The following HDAC9 variants were observed in gnomAD, a reference collection of about 807,000 sequenced individuals.
HDAC9 encodes the protein histone deacetylase 9, also known as MEF-2 interacting transcription repressor (MITR) protein.
Under a neutral mutation model 139.4 loss-of-function variants are expected in HDAC9, and 41 were observed. The ratio of observed to expected loss-of-function variants is 0.29; its 90% confidence interval spans 0.23 to 0.38. The LOEUF (loss-of-function observed/expected upper bound fraction) is 0.38. Among genes scored for constraint, HDAC9 ranks in the 10% least tolerant of loss-of-function variants. The pLI is 1.00. For synonymous variants in HDAC9, 517 were observed against 476.2 expected (o/e 1.09, Z -1.12); for missense variants, 1,147 against 1,297.0 (o/e 0.88, Z 1.78).
intron 21 of HDAC9, among the ~76,000 whole-genome samples, chr7:18,836,334 T>TA (rs1334385379): frequency 6.6e-6 from 1 of 152,202 alleles, no homozygotes; most frequent in African/African-American, 2.4e-5. Flanking sequence ...AGTCCTTCAT[T>TA]ACCTATTTGA....
At chr7:18,647,591 C>T (rs1462781837) in intron 9 of HDAC9, among the ~76,000 whole-genome samples, 194 bp from the exon 10 acceptor site, 1 of 152,120 alleles carries the variant, frequency 6.6e-6, no homozygotes, top group Admixed American at 6.6e-5. Context: ...GTCTTCAGTG[C>T]TCCAACCCTA....
chr7:18,858,464 A>T lies in HDAC9; in HGVS notation c.2685-16014A>T, dbSNP rs374310307. 8.5e-5 allele frequency among the ~76,000 whole-genome samples: 13 copies of T among 152,308 alleles called. No individual in the cohort carries two copies. In the South Asian group the frequency reaches 2.7e-3, roughly 32 times the overall value. On this transcript the variant is annotated intron_variant, in intron 21 of 25. Transcript: ENST00000686413. ...CATGAGAACTCAATATCACAGGAACAGGATAGGGGAAATCACCCCCATGAT... is the reference window on the plus strand; with the variant it reads ...CATGAGAACTCAATATCACAGGAACTGGATAGGGGAAATCACCCCCATGAT...
At position 18,935,894 on chromosome 7, in the gene HDAC9, C is replaced by A. The variant is rs534633020; in HGVS notation, c.2889C>A (p.Ala963=). The change falls in exon 23 of 26, where the codon GCC becomes GCA. Residue 963 remains alanine (A), a synonymous_variant. Coordinates refer to ENST00000686413, the MANE Select transcript of HDAC9 (RefSeq NM_178425.4). ...TAGAAGGAGGACATGATCTCACAGC[C>A]ATCTGTGATGCATCAGAAGCCTGTG... ...LALEGGHDLT[A]ICDASEACVN... 13 of 1,613,450 alleles carry A rather than the reference C, an allele frequency of 8.1e-6. No homozygotes were observed. The African/African-American group carries it at 1.2e-4, about 15-fold the overall frequency.
At chr7:18,598,691 C>G (rs551757066) in intron 6 of HDAC9, among the ~76,000 whole-genome samples, 1 of 152,182 alleles carries the variant, frequency 6.6e-6, no homozygotes. Flanking sequence ...TATGCCAAAA[C>G]TAAATCTCTT....
At position 18,835,474 on chromosome 7, in the gene HDAC9, A is replaced by C; in HGVS notation, c.2474A>C (p.His825Pro). 6.2e-7 allele frequency: 1 copy of C among 1,613,032 alleles called. No individual in the cohort carries two copies. The change falls in exon 20 of 26, where the codon CAC becomes CCC. Residue 825 changes from histidine to proline, a missense_variant. By Grantham distance (77) the His-to-Pro change is moderately conservative. Coordinates refer to ENST00000686413, the MANE Select transcript of HDAC9 (RefSeq NM_178425.4). ...SKILIVDLDV[H>P]HGNGTQQAFY... ...GTTTTCATTTCCCTGTAGGATGTTC[A>C]CCATGGAAACGGTACCCAGCAGGCC...
chr7:18,537,684 A>G (rs1049032787), intron 2 of HDAC9, among the ~76,000 whole-genome samples: 1 of 152,222 alleles, frequency 6.6e-6, no homozygotes, highest in African/African-American at 2.4e-5. Context: ...CCTTACATAC[A>G]GAGAAAGCCA....
intron 12 of HDAC9, among the ~76,000 whole-genome samples, chr7:18,680,333 G>A (rs1781806394): frequency 6.6e-6 from 1 of 152,088 alleles, no homozygotes; most frequent in African/African-American, 2.4e-5. Flanking sequence ...TAAAAGTGGT[G>A]GAAAGTGAGC....
At chr7:18,349,307 TAC>T (rs3138825) in intron 1 of HDAC9, among the ~76,000 whole-genome samples, 11,859 of 125,344 alleles carry the variant, frequency 0.095, 507 homozygotes, top group Middle Eastern at 0.12. Context: ...TGAGAACATC[TAC>T]ACACACACAC....
At chr7:18,884,723 G>A (rs1233991603) in intron 22 of HDAC9, among the ~76,000 whole-genome samples, 1 of 152,116 alleles carries the variant, frequency 6.6e-6, no homozygotes, top group African/African-American at 2.4e-5. Flanking sequence ...TTAGTCAGTT[G>A]GGGCTTCTGT....
intron 25 of HDAC9, among the ~76,000 whole-genome samples, chr7:18,982,338 A>G (rs914088655): frequency 6.6e-6 from 1 of 152,050 alleles, no homozygotes; most frequent in Non-Finnish European, 1.5e-5. Context: ...GAAACCCTTC[A>G]ATACTTTTCC....
chr7:18,438,348 G>A (rs1020471653), intron 1 of HDAC9, among the ~76,000 whole-genome samples: 1 of 151,980 alleles, frequency 6.6e-6, no homozygotes, highest in Admixed American at 6.6e-5. Flanking sequence ...AATGCTATGG[G>A]GTGTGCTGGG....
chr7:18,393,898 G>A (rs755867571), intron 1 of HDAC9, among the ~76,000 whole-genome samples: 42 of 152,308 alleles, frequency 2.8e-4, no homozygotes, highest in East Asian at 1.4e-3. Flanking sequence ...AGTGAATTGC[G>A]TGTGGGGAAG....
At chr7:18,589,283 A>G (rs1040909128) in intron 3 of HDAC9, among the ~76,000 whole-genome samples, 5 of 152,158 alleles carry the variant, frequency 3.3e-5, no homozygotes, top group African/African-American at 9.7e-5. Flanking sequence ...CCCGGCAGTT[A>G]GAGAGGCCAA....
At chr7:18,855,907 G>A (rs1010914393) in intron 21 of HDAC9, among the ~76,000 whole-genome samples, 12 of 152,070 alleles carry the variant, frequency 7.9e-5, no homozygotes, top group African/African-American at 2.9e-4. Flanking sequence ...ACTTCATGCA[G>A]AGAAACACAA....
chr7:18,766,879 TA>T (rs1337776538), intron 15 of HDAC9, among the ~76,000 whole-genome samples: 1 of 152,186 alleles, frequency 6.6e-6, no homozygotes, highest in Admixed American at 6.5e-5. Flanking sequence ...CTACATGCAA[TA>T]AAATTTATAT....
chr7:18,885,514 A>G (rs1334010776), intron 22 of HDAC9, among the ~76,000 whole-genome samples: 1 of 152,136 alleles, frequency 6.6e-6, no homozygotes, highest in Non-Finnish European at 1.5e-5. Flanking sequence ...AAATTTTACA[A>G]CCGTTTATAT....
At chr7:18,323,997 T>A (rs550737692) in intron 1 of HDAC9, among the ~76,000 whole-genome samples, 6 of 151,822 alleles carry the variant, frequency 4.0e-5, no homozygotes, top group Non-Finnish European at 5.9e-5. Flanking sequence ...CTATGGGATC[T>A]TTTTTATAAG....
chr7:18,797,307 C>G (rs1317325725), intron 17 of HDAC9, among the ~76,000 whole-genome samples: 1 of 152,090 alleles, frequency 6.6e-6, no homozygotes, highest in Non-Finnish European at 1.5e-5. Context: ...CTAAAACTAT[C>G]TATTTTAAGT....
chr7:18,751,773 AAT>A (rs1270232699), intron 14 of HDAC9, among the ~76,000 whole-genome samples: 1 of 152,120 alleles, frequency 6.6e-6, no homozygotes, highest in Non-Finnish European at 1.5e-5. Flanking sequence ...CCTTTTGTTC[AAT>A]ATGAGATAAA....
Sources: gnomAD v4.1 joint callset for allele counts (sites outside exome capture counted in the v4.1 genomes callset) on GRCh38, gnomAD v4.1.1 for gene constraint, MANE v1.5 for transcripts, NCBI Gene and HGNC (gene_info 2026-07-23, HGNC 2026-07-21) for gene names.